Variants in STK24 observed in about 807,000 individuals in gnomAD.
The protein encoded by STK24 is serine/threonine-protein kinase 24.
In STK24, 21 loss-of-function variants were observed where a neutral mutation model predicts 55.6. That is an observed-to-expected ratio of 0.38 (90% CI 0.27 to 0.54). STK24 has a LOEUF of 0.54. Ranked by LOEUF, STK24 falls within the 20% of genes least tolerant of loss-of-function variation. The pLI is 0.79. For synonymous variants in STK24, 200 were observed against 215.2 expected (o/e 0.93, Z 0.62); for missense variants, 383 against 538.4 (o/e 0.71, Z 2.86).
At position 98,448,456 on chromosome 13, in the gene STK24, G is replaced by A; in HGVS notation, c.*4717C>T. On this transcript the variant is annotated 3_prime_UTR_variant, in exon 11 of 11. Coordinates refer to ENST00000539966, the MANE Select transcript of STK24 (RefSeq NM_001032296.4). ...TCCCAGCAGCTCTCCTGTCTCCACA[G>A]CCGCGTTTTTTAACCCCGACCTCTC... The A allele has an allele frequency of 2.8e-6, 2 of 709,814 alleles. No individual in the cohort carries two copies. Among genetic ancestry groups the A allele is most frequent in the Non-Finnish European group, 4.9e-6 (2 of 411,750 alleles). The allele number at this position is 709,814 out of a possible 1,614,324, so 44.0% of individuals were successfully genotyped here.
intron 2 of STK24, among the ~76,000 whole-genome samples, chr13:98,488,638 T>C (rs1214957551): frequency 6.6e-6 from 1 of 152,124 alleles, no homozygotes; most frequent in Non-Finnish European, 1.5e-5. Flanking sequence ...TTACAGAAAT[T>C]AATTTAATAT....
At chr13:98,515,891 T>G (rs1199074195) in intron 2 of STK24, among the ~76,000 whole-genome samples, 3 of 152,154 alleles carry the variant, frequency 2.0e-5, no homozygotes, top group Non-Finnish European at 4.4e-5. Context: ...CTTAAAGAAC[T>G]AAGAACAGTA....
In STK24 at chr13:98,447,844, CA is replaced by C. The variant is rs60019968; in HGVS notation, c.*5328del. ...TGAGTGACAGAGCCAGACCCTGTCTCAAAAAAAAAAGAAAAAGAAAAAAGGA... is the reference window on the plus strand; with the variant it reads ...TGAGTGACAGAGCCAGACCCTGTCTCAAAAAAAAAGAAAAAGAAAAAAGGA... On this transcript the variant is annotated 3_prime_UTR_variant, in exon 11 of 11. Coordinates refer to ENST00000539966, the MANE Select transcript of STK24 (RefSeq NM_001032296.4). 574 of 183,676 alleles carry C rather than the reference CA, an allele frequency of 3.1e-3. No homozygotes were observed. The highest frequency in any genetic ancestry group is 0.01 in the South Asian group (103 of 10,260). 11.4% of individuals were successfully genotyped at this position (183,676 alleles called of 1,614,324 possible).
chr13:98,505,937 AAAGG>A (rs1196055466), intron 2 of STK24, among the ~76,000 whole-genome samples: 12 of 152,268 alleles, frequency 7.9e-5, no homozygotes, highest in African/African-American at 2.9e-4. Context: ...ACATACAAAG[AAAGG>A]AAGACAAAAA....
chr13:98,552,865 T>C (rs1403748394), intron 1 of STK24, among the ~76,000 whole-genome samples: 1 of 152,194 alleles, frequency 6.6e-6, no homozygotes, highest in East Asian at 1.9e-4. Flanking sequence ...GGAACTATCC[T>C]GTAGGACGCT....
chr13:98,498,341 A>C (rs1811367342), intron 2 of STK24, among the ~76,000 whole-genome samples: 1 of 152,236 alleles, frequency 6.6e-6, no homozygotes, highest in South Asian at 2.1e-4. Context: ...GCTCAGCTCA[A>C]GCACTGCATC....
rs1566330914 is a variant in STK24 at position 98,448,211 on chromosome 13, A to G, written c.*4962T>C. The stretch of plus-strand genomic sequence containing the variant: ...AGGAGTCCGTCCAAACAAAAGGTTG[A>G]CTAACTGGCGTTCCCGTGTTGCAGG... On this transcript the variant is annotated 3_prime_UTR_variant, in exon 11 of 11. Transcript: ENST00000539966. The G allele has an allele frequency of 6.2e-7, 1 of 1,604,356 alleles. No individual in the cohort carries two copies. The highest frequency in any genetic ancestry group is 1.3e-5 in the African/African-American group (1 of 74,860).
At chr13:98,515,303 A>C (rs1436499906) in intron 2 of STK24, among the ~76,000 whole-genome samples, 1 of 151,968 alleles carries the variant, frequency 6.6e-6, no homozygotes, top group African/African-American at 2.4e-5. Flanking sequence ...ACCCAACCCC[A>C]CACACAGGCA....
intron 1 of STK24, among the ~76,000 whole-genome samples, chr13:98,522,703 T>C (rs1896305751): frequency 6.6e-6 from 1 of 152,200 alleles, no homozygotes; most frequent in African/African-American, 2.4e-5. Context: ...AGCTGCAAGC[T>C]GAAGAGTCAG....
chr13:98,450,664 A>G lies in STK24; in HGVS notation c.*2509T>C, dbSNP rs1338998688. 1.3e-5 allele frequency: 2 copies of G among 152,366 alleles called. No homozygotes were observed. The highest frequency in any genetic ancestry group is 1.5e-5 in the Non-Finnish European group (1 of 68,056). 9.4% of individuals were successfully genotyped at this position (152,366 alleles called of 1,614,324 possible). A position where few individuals can be genotyped will look rare whatever the true frequency, so the allele number is the denominator to read the frequency against. Reference sequence around the variant, plus strand: ...TGGGCAGCTGAGCCAGGAGCAGCTCAGGGCTGGCACTGAGAGGCTACTGGT... The same window carrying G: ...TGGGCAGCTGAGCCAGGAGCAGCTCGGGGCTGGCACTGAGAGGCTACTGGT... On this transcript the variant is annotated 3_prime_UTR_variant, in exon 11 of 11. Coordinates refer to ENST00000539966, the MANE Select transcript of STK24 (RefSeq NM_001032296.4).
At chr13:98,498,996 C>T (rs183982277) in intron 2 of STK24, among the ~76,000 whole-genome samples, 1 of 152,304 alleles carries the variant, frequency 6.6e-6, no homozygotes, top group Non-Finnish European at 1.5e-5. Context: ...TGCCTATAAT[C>T]AGCACTTTGG....
At position 98,448,661 on chromosome 13, in the gene STK24, T is replaced by A. The variant is rs908250006; in HGVS notation, c.*4512A>T. On this transcript the variant is annotated 3_prime_UTR_variant, in exon 11 of 11. Coordinates refer to ENST00000539966, the MANE Select transcript of STK24 (RefSeq NM_001032296.4). ...GTTCAACACAAGACAGGGCAAGTGT[T>A]TTTCTTCCTAAAAAAAGTTCTTTCT... is the stretch of plus-strand genomic sequence containing the variant. 4 of 201,308 alleles carry A rather than the reference T, an allele frequency of 2.0e-5. No individual in the cohort carries two copies. 12.5% of individuals were successfully genotyped at this position (201,308 alleles called of 1,614,324 possible).
intron 2 of STK24, among the ~76,000 whole-genome samples, chr13:98,498,871 T>G (rs576313440): frequency 4.6e-5 from 7 of 152,284 alleles, no homozygotes; most frequent in Non-Finnish European, 7.4e-5. Context: ...AGACCGCCAC[T>G]GGGGAAAAAT....
At chr13:98,543,577 C>T (rs567763853) in intron 1 of STK24, among the ~76,000 whole-genome samples, 3 of 152,258 alleles carry the variant, frequency 2.0e-5, no homozygotes, top group South Asian at 4.1e-4. Flanking sequence ...GACCCGAAGA[C>T]GCGGGTCTGA....
At chr13:98,543,089 G>T in intron 1 of STK24, 1 of 909,488 alleles carries the variant, frequency 1.1e-6, no homozygotes, top group Non-Finnish European at 1.3e-6. Context: ...AGAGGCCGCA[G>T]CTCCGCTCCG....
chr13:98,521,076 G>A (rs950447940), intron 1 of STK24, among the ~76,000 whole-genome samples: 8 of 152,182 alleles, frequency 5.3e-5, no homozygotes, highest in East Asian at 1.9e-4. Context: ...AGCCCACACC[G>A]GAAGGTCATG....
At chr13:98,482,213 G>A in intron 3 of STK24, 52 bp downstream of exon 3, 1 of 1,077,110 alleles carries the variant, frequency 9.3e-7, no homozygotes. Context: ...TAAAACCCAG[G>A]TTTCCTGAGA....
At chr13:98,510,351 G>A (rs1293474476) in intron 2 of STK24, among the ~76,000 whole-genome samples, 3 of 152,176 alleles carry the variant, frequency 2.0e-5, no homozygotes, top group East Asian at 1.9e-4. Context: ...GGGAAGGGTC[G>A]CTAGCTACTC....
intron 1 of STK24, among the ~76,000 whole-genome samples, chr13:98,573,266 T>A (rs1897789542): frequency 6.6e-6 from 1 of 152,206 alleles, no homozygotes; most frequent in South Asian, 2.1e-4. Context: ...GTAACAGAAA[T>A]GTGCAAACCA....
Sources: allele counts gnomAD v4.1 joint callset (sites outside exome capture counted in the v4.1 genomes callset), GRCh38; gene constraint gnomAD v4.1.1; transcripts MANE v1.5; gene names NCBI Gene and HGNC (gene_info 2026-07-23, HGNC 2026-07-21).